Variants in MRPL43 observed in about 807,000 individuals in gnomAD.
MRPL43 encodes the protein mitochondrial ribosomal protein L43.
In MRPL43, 9 loss-of-function variants were observed where a neutral mutation model predicts 12.7. That is an observed-to-expected ratio of 0.71 (90% CI 0.43 to 1.24). MRPL43 has a LOEUF of 1.24. Among genes scored for constraint, MRPL43 ranks in the 50% most tolerant of loss-of-function variants. MRPL43 has a pLI of 0.00. For synonymous variants in MRPL43, 116 were observed against 96.4 expected, an observed-to-expected ratio of 1.20 and a Z score of -1.19; for missense variants, 211 against 229.2, an observed-to-expected ratio of 0.92 and a Z score of 0.51.
downstream of MRPL43, chr10:100,980,408 A>G (rs1429227764): frequency 4.0e-6 from 6 of 1,510,202 alleles, no homozygotes; most frequent in Non-Finnish European, 5.5e-6. Flanking sequence ...GAATCCATTA[A>G]TTCCTGCCAT....
downstream of MRPL43, chr10:100,983,427 G>A (rs137971825): frequency 2.5e-6 from 4 of 1,613,612 alleles, no homozygotes; most frequent in Non-Finnish European, 3.4e-6. Flanking sequence ...GGGCCTGAGC[G>A]ATGGGCAGGG....
At chr10:100,979,062 T>G, downstream of MRPL43, 1 of 1,613,120 alleles carries the variant, frequency 6.2e-7, no homozygotes, top group South Asian at 1.1e-5. Context: ...AGGCTGGACC[T>G]CTGACCCTGG....
chr10:100,987,394 T>C lies in MRPL43; in HGVS notation c.50A>G (p.Asn17Ser), dbSNP rs1318128931. The C allele has an allele frequency of 9.9e-6, 16 of 1,612,396 alleles. No homozygotes were observed. The highest frequency in any genetic ancestry group is 1.7e-5 in the Admixed American group (1 of 59,982). The change falls in exon 1 of 3, where the codon AAC becomes AGC. Residue 17 changes from asparagine to serine, a missense_variant. Transcript: ENST00000318364. ...PSRFLASVLH[N>S]GLGRYVQQLQ... ...CTGCTGCACATAGCGACCCAGTCCG[T>C]TGTGGAGAACGCTGGCCAAGAAGCG...
In MRPL43 at chr10:100,986,836, G is replaced by T; in HGVS notation, c.378C>A (p.Ile126=). The T allele has an allele frequency of 2.5e-6, 4 of 1,613,908 alleles. No homozygotes were observed. Among genetic ancestry groups the T allele is most frequent in the Non-Finnish European group, 3.4e-6 (4 of 1,180,034 alleles). Residue 126 remains isoleucine, a synonymous_variant, in exon 3 of 3, where the codon ATC becomes ATA. Coordinates refer to ENST00000318364, the MANE Select transcript of MRPL43 (RefSeq NM_032112.3). ...RKPFHTDNPS[I]QGQWHPFTNK... ...TGGTGAAGGGGTGCCACTGGCCCTG[G>T]ATGCTAGGGTTGTCGGTGTGGAAGG...
At chr10:100,984,883 C>G, downstream of MRPL43, 1 of 1,475,798 alleles carries the variant, frequency 6.8e-7, no homozygotes, top group African/African-American at 1.4e-5. Flanking sequence ...TGGTCATTCT[C>G]AAGAGTATGA....
downstream of MRPL43, chr10:100,978,988 C>T (rs868505946): frequency 2.5e-6 from 4 of 1,614,180 alleles, no homozygotes; most frequent in Admixed American, 1.7e-5. Context: ...GCAGCAGTCA[C>T]CGTGTGGCCC....
chr10:100,977,838 T>C, downstream of MRPL43: 2 of 952,552 alleles, frequency 2.1e-6, no homozygotes, highest in Non-Finnish European at 3.4e-6. Context: ...ACGGATGGTT[T>C]ATTAAGGGGA....
In MRPL43 at chr10:100,987,127, C is replaced by A. The variant is rs766440941; in HGVS notation, c.201G>T (p.Ser67=). 2 of 1,613,922 alleles carry A rather than the reference C, an allele frequency of 1.2e-6. No homozygotes were observed. The highest frequency in any genetic ancestry group is 1.7e-6 in the Non-Finnish European group (2 of 1,180,034). Reference sequence around the variant, plus strand: ...CTACTCTGGGCACGCAGCACGGACGCGAGTTTACATATATTACGACCCCTG... The same window carrying A: ...CTACTCTGGGCACGCAGCACGGACGAGAGTTTACATATATTACGACCCCTG... ...RNPGVVIYVN[S]RPCCVPRVVA... The change falls in exon 2 of 3, where the codon TCG becomes TCT. Residue 67 remains serine, a synonymous_variant. Coordinates refer to ENST00000318364, the MANE Select transcript of MRPL43 (RefSeq NM_032112.3).
chr10:100,979,434 G>A, downstream of MRPL43: 1 of 1,530,734 alleles, frequency 6.5e-7, no homozygotes. Context: ...CCAGGCTGGA[G>A]TGCAGTGGCG....
chr10:100,987,253 G>A, intron 1 of MRPL43, 57 bp from the exon 2 acceptor site: 1 of 1,612,394 alleles, frequency 6.2e-7, no homozygotes, highest in Non-Finnish European at 8.5e-7. Flanking sequence ...ACCTACCCGG[G>A]GAGTCGTTGC....
downstream of MRPL43, chr10:100,984,040 G>A (rs921452117): frequency 3.1e-6 from 5 of 1,613,498 alleles, no homozygotes; most frequent in African/African-American, 5.3e-5. Flanking sequence ...GTACCAGCAG[G>A]GCCCTGCTCC....
At chr10:100,979,021 G>A (rs1239863126), downstream of MRPL43, 2 of 1,613,844 alleles carry the variant, frequency 1.2e-6, no homozygotes, top group Non-Finnish European at 1.7e-6. Context: ...TCTGCAAGGT[G>A]GATTGGGCTG....
downstream of MRPL43, chr10:100,985,244 G>A (rs1851382772): frequency 4.6e-6 from 1 of 219,728 alleles, no homozygotes; most frequent in African/African-American, 2.3e-5. Flanking sequence ...AAAGGGCAGA[G>A]GCTGGGAGTT....
rs776985177 is a variant in MRPL43 at position 100,986,706 on chromosome 10, C to G, written c.*28G>C. 4 of 1,613,990 alleles carry G rather than the reference C, an allele frequency of 2.5e-6. No individual in the cohort carries two copies. The South Asian group carries it at 4.4e-5, about 18-fold the overall frequency. On this transcript the variant is annotated 3_prime_UTR_variant, in exon 3 of 3. Coordinates refer to ENST00000318364, the MANE Select transcript of MRPL43 (RefSeq NM_032112.3). The stretch of plus-strand genomic sequence containing the variant: ...CTTTACCGGAGTAACAGTCCAAAGC[C>G]TGGGGCTGCAGTTGGTGGGGCAACT...
At chr10:100,984,615 C>T (rs1851332127), downstream of MRPL43, 1 of 1,536,170 alleles carries the variant, frequency 6.5e-7, no homozygotes, top group Non-Finnish European at 8.7e-7. Flanking sequence ...TTCACATGCA[C>T]ACATGGAAGA....
At chr10:100,984,832 C>A (rs150176473), downstream of MRPL43, 1,574 of 1,520,352 alleles carry the variant, frequency 1.0e-3, 3 homozygotes, top group Admixed American at 2.1e-3. Context: ...CCTCCTCTCC[C>A]TTCCTGTGTG....
chr10:100,984,070 G>A (rs764116745), downstream of MRPL43: 23 of 1,613,550 alleles, frequency 1.4e-5, no homozygotes, highest in Admixed American at 1.7e-4. Flanking sequence ...GAACTCAGCC[G>A]CATCCTGGAA....
downstream of MRPL43, chr10:100,978,869 G>A (rs138710515): frequency 2.0e-4 from 328 of 1,614,008 alleles, no homozygotes; most frequent in Middle Eastern, 1.6e-4. Context: ...TGTGTTCTCC[G>A]TCCTCGTGCG....
chr10:100,986,689 G>T lies in MRPL43; in HGVS notation c.*45C>A. ...CAAAGGGGAAGAACCACCTTTACCG[G>T]AGTAACAGTCCAAAGCCTGGGGCTG... On this transcript the variant is annotated 3_prime_UTR_variant, in exon 3 of 3. Coordinates refer to ENST00000318364, the MANE Select transcript of MRPL43 (RefSeq NM_032112.3). The T allele has an allele frequency of 6.2e-7, 1 of 1,613,872 alleles. No homozygotes were observed. The highest frequency in any genetic ancestry group is 1.1e-5 in the South Asian group (1 of 91,082).
Sources: allele counts gnomAD v4.1 joint callset, GRCh38; gene constraint gnomAD v4.1.1; transcripts MANE v1.5; gene names NCBI Gene and HGNC (gene_info 2026-07-23, HGNC 2026-07-21).